GRIP1: variants seen among roughly 807,000 people sequenced by gnomAD.
GRIP1 encodes glutamate receptor interacting protein 1.
GRIP1 carries 45 observed loss-of-function variants against 129.9 expected under a neutral mutation model. The observed-to-expected ratio is 0.35, with a 90% confidence interval of 0.27 to 0.44. GRIP1 has a LOEUF of 0.44. Ranked by LOEUF, GRIP1 falls within the 20% of genes least tolerant of loss-of-function variation. GRIP1 has a pLI of 1.00. For missense variants in GRIP1, 1,196 were observed against 1,396.8 expected (o/e 0.86, Z 2.29); for synonymous variants, 530 against 520.8 (o/e 1.02, Z -0.24).
At chr12:66,621,125 C>T (rs2065249553) in intron 1 of GRIP1, among the ~76,000 whole-genome samples, 1 of 152,064 alleles carries the variant, frequency 6.6e-6, no homozygotes, top group Non-Finnish European at 1.5e-5. Context: ...ACAAATTGTT[C>T]ATTTTAACAA....
At chr12:66,559,367 C>T (rs2062439984) in intron 2 of GRIP1, among the ~76,000 whole-genome samples, 1 of 152,002 alleles carries the variant, frequency 6.6e-6, no homozygotes, top group Admixed American at 6.6e-5. Context: ...CAAAAGGCAT[C>T]CAAATCGGAA....
intron 22 of GRIP1, among the ~76,000 whole-genome samples, chr12:66,375,053 C>A (rs1297357899): frequency 6.6e-6 from 1 of 152,086 alleles, no homozygotes; most frequent in African/African-American, 2.4e-5. Context: ...TTTAGTTAAA[C>A]CTTCTTCTTA....
At chr12:66,592,077 GC>G (rs1565892875) in intron 2 of GRIP1, among the ~76,000 whole-genome samples, 1 of 152,062 alleles carries the variant, frequency 6.6e-6, no homozygotes, top group African/African-American at 2.4e-5. Flanking sequence ...CACAAATGAA[GC>G]ATCTAATTAT....
intron 5 of GRIP1, among the ~76,000 whole-genome samples, chr12:66,523,786 C>G (rs547044445): frequency 6.6e-6 from 1 of 152,210 alleles, no homozygotes; most frequent in African/African-American, 2.4e-5. Flanking sequence ...GGAAACCCAT[C>G]TCACATGCAG....
At chr12:66,819,214 A>C (rs1227075946) in intron 1 of GRIP1, among the ~76,000 whole-genome samples, 1 of 152,168 alleles carries the variant, frequency 6.6e-6, no homozygotes, top group Non-Finnish European at 1.5e-5. Flanking sequence ...ACTTTTGTTG[A>C]TTTTAAAGCT....
intron 4 of GRIP1, among the ~76,000 whole-genome samples, chr12:66,534,574 C>T (rs568014833): frequency 1.1e-4 from 17 of 152,234 alleles, no homozygotes; most frequent in Non-Finnish European, 2.1e-4. Flanking sequence ...ATTTGGTCCT[C>T]GTGTACCTCA....
intron 1 of GRIP1, among the ~76,000 whole-genome samples, chr12:66,781,948 T>C (rs2136790886): frequency 6.6e-6 from 1 of 152,322 alleles, no homozygotes; most frequent in African/African-American, 2.4e-5. Flanking sequence ...AAATGACTAC[T>C]AACCGTATGA....
intron 5 of GRIP1, among the ~76,000 whole-genome samples, chr12:66,528,921 G>A (rs1410702177): frequency 2.0e-5 from 3 of 152,094 alleles, no homozygotes; most frequent in African/African-American, 7.2e-5. Flanking sequence ...TCCAGAATCT[G>A]TAGGGAACTC....
chr12:66,449,338 G>A (rs150112936), intron 11 of GRIP1, among the ~76,000 whole-genome samples: 14 of 152,312 alleles, frequency 9.2e-5, no homozygotes, highest in African/African-American at 3.4e-4. Context: ...TCTCATAGAT[G>A]CTGCTGAGTT....
intron 1 of GRIP1, among the ~76,000 whole-genome samples, chr12:67,045,054 G>A (rs1047353604): frequency 6.6e-6 from 1 of 152,236 alleles, no homozygotes; most frequent in African/African-American, 2.4e-5. Context: ...TTGAATGGAA[G>A]TAGGTCATCT....
intron 23 of GRIP1, among the ~76,000 whole-genome samples, chr12:66,362,052 C>T (rs1346135921): frequency 6.6e-6 from 1 of 150,730 alleles, no homozygotes; most frequent in Non-Finnish European, 1.5e-5. Flanking sequence ...CCTGATATTA[C>T]GAAGAGGCTG....
intron 1 of GRIP1, among the ~76,000 whole-genome samples, chr12:66,845,700 C>T (rs1177409888): frequency 6.6e-6 from 1 of 152,060 alleles, no homozygotes; most frequent in Non-Finnish European, 1.5e-5. Context: ...TCTTTTGAGC[C>T]TCAAACATTA....
At chr12:66,517,754 T>C in intron 6 of GRIP1, 147 bp downstream of exon 6, 2 of 665,714 alleles carry the variant, frequency 3.0e-6, no homozygotes, top group East Asian at 2.7e-5. Flanking sequence ...TCTGATTCCA[T>C]AGTTCAGACT....
intron 1 of GRIP1, among the ~76,000 whole-genome samples, chr12:66,959,823 T>A (rs1439090197): frequency 2.0e-5 from 3 of 152,202 alleles, no homozygotes; most frequent in Non-Finnish European, 4.4e-5. Flanking sequence ...TAGATATTCA[T>A]GTTGTCATGT....
At chr12:66,990,850 C>T (rs1191300244) in intron 1 of GRIP1, among the ~76,000 whole-genome samples, 3 of 151,840 alleles carry the variant, frequency 2.0e-5, no homozygotes, top group Non-Finnish European at 2.9e-5. Flanking sequence ...CAAAATTAGC[C>T]GGGCGTGTTG....
intron 1 of GRIP1, among the ~76,000 whole-genome samples, chr12:66,741,198 T>C (rs979784539): frequency 1.4e-4 from 21 of 152,204 alleles, no homozygotes; most frequent in Admixed American, 2.6e-4. Context: ...TTGTATAGGA[T>C]ATCTATCCAT....
intron 5 of GRIP1, among the ~76,000 whole-genome samples, chr12:66,524,756 A>G (rs532806155): frequency 1.2e-4 from 18 of 152,332 alleles, no homozygotes; most frequent in African/African-American, 2.6e-4. Context: ...TTTTTTGAAA[A>G]GATCAACAAA....
chr12:66,536,667 C>T (rs183887872), intron 4 of GRIP1, among the ~76,000 whole-genome samples: 2 of 152,252 alleles, frequency 1.3e-5, no homozygotes, highest in East Asian at 1.9e-4. Context: ...ACTCTCAATC[C>T]CTCTCCTTGC....
At position 66,670,004 on chromosome 12, in the gene GRIP1, TAGA is replaced by T. The variant is rs1304800079; in HGVS notation, c.55+8843_55+8845del. Reference sequence around the variant, plus strand: ...CTTTAACATTTAACAATTGGCTCCATAGAAGATGACTTTAACCAATGAAGTCTA... The same window carrying T: ...CTTTAACATTTAACAATTGGCTCCATAGATGACTTTAACCAATGAAGTCTA... On this transcript the variant is annotated intron_variant, in intron 1 of 24. Transcript: ENST00000359742. 2.0e-5 allele frequency among the ~76,000 whole-genome samples: 3 copies of T among 152,218 alleles called. No homozygotes were observed. The East Asian group carries it at 5.8e-4, about 29-fold the overall frequency.
Sources: gnomAD v4.1 joint callset for allele counts (sites outside exome capture counted in the v4.1 genomes callset) on GRCh38, gnomAD v4.1.1 for gene constraint, MANE v1.5 for transcripts, NCBI Gene and HGNC (gene_info 2026-07-23, HGNC 2026-07-21) for gene names.